CBFA2T2: variants seen among roughly 807,000 people sequenced by gnomAD.
CBFA2T2 encodes protein CBFA2T2.
CBFA2T2 carries 11 observed loss-of-function variants against 62.2 expected under a neutral mutation model. That is an observed-to-expected ratio of 0.18 (90% CI 0.11 to 0.29). CBFA2T2 has a LOEUF of 0.29. Among genes scored for constraint, CBFA2T2 ranks in the 10% least tolerant of loss-of-function variants. The pLI, the probability that CBFA2T2 is intolerant of heterozygous loss-of-function variation, is 1.00. For missense variants in CBFA2T2, 592 were observed against 774.1 expected, an observed-to-expected ratio of 0.76 and a Z score of 2.79; for synonymous variants, 295 against 287.5, an observed-to-expected ratio of 1.03 and a Z score of -0.27.
At chr20:33,616,077 A>G (rs2015694683) in intron 3 of CBFA2T2, among the ~76,000 whole-genome samples, 1 of 136,960 alleles carries the variant, frequency 7.3e-6, no homozygotes, top group Non-Finnish European at 1.6e-5. Context: ...CTCTGTAGAT[A>G]GAGATAGATA....
chr20:33,641,005 G>A (rs1292734680), intron 10 of CBFA2T2, among the ~76,000 whole-genome samples: 8 of 151,938 alleles, frequency 5.3e-5, no homozygotes, highest in African/African-American at 1.9e-4. Flanking sequence ...CAGGATACAG[G>A]AGTAAGAAAG....
chr20:33,589,821 T>C (rs949238908), intron 1 of CBFA2T2, among the ~76,000 whole-genome samples: 2 of 152,188 alleles, frequency 1.3e-5, no homozygotes, highest in South Asian at 2.1e-4. Context: ...TAATTTTAAA[T>C]ATTCTTGTAA....
At chr20:33,586,592 A>G (rs1416734856) in intron 1 of CBFA2T2, among the ~76,000 whole-genome samples, 1 of 152,180 alleles carries the variant, frequency 6.6e-6, no homozygotes, top group Non-Finnish European at 1.5e-5. Flanking sequence ...AGATTTTTGC[A>G]TTGGCTGTGA....
At chr20:33,600,313 T>C in intron 1 of CBFA2T2, 1 of 187,034 alleles carries the variant, frequency 5.3e-6, no homozygotes, top group South Asian at 5.8e-5. Context: ...TGCCTCAGCC[T>C]CCTGAGCAGC....
rs562131531 is a variant in CBFA2T2, at chr20:33,535,690, T to C, written c.34+45389T>C. 2.0e-3 allele frequency among the ~76,000 whole-genome samples: 295 copies of C among 151,162 alleles called. 2 individuals are homozygous for C. Among genetic ancestry groups the C allele is most frequent in the African/African-American group, 6.8e-3 (282 of 41,234 alleles). The stretch of plus-strand genomic sequence containing the variant: ...ATTTTATTTATTTATTTATTTTTAA[T>C]TGATCATTCTTGGGTGTTTCTCGCA... On this transcript the variant is annotated intron_variant, in intron 1 of 10. Transcript: ENST00000342704.
chr20:33,536,816 C>T (rs574042886), intron 1 of CBFA2T2, among the ~76,000 whole-genome samples: 25 of 148,496 alleles, frequency 1.7e-4, no homozygotes, highest in South Asian at 2.1e-4. Flanking sequence ...GGATGGCGGC[C>T]GGGAAGAGGC....
At chr20:33,570,984 C>T (rs2013540472) in intron 1 of CBFA2T2, among the ~76,000 whole-genome samples, 1 of 152,170 alleles carries the variant, frequency 6.6e-6, no homozygotes, top group South Asian at 2.1e-4. Context: ...TTCTCACTTA[C>T]CTTTCCCCAG....
chr20:33,510,696 T>G (rs371273720), intron 1 of CBFA2T2, among the ~76,000 whole-genome samples: 1 of 152,190 alleles, frequency 6.6e-6, no homozygotes, highest in Non-Finnish European at 1.5e-5. Context: ...TTCTAGATCC[T>G]TGAGGAATCA....
At chr20:33,603,954 C>A (rs2015240458) in intron 1 of CBFA2T2, among the ~76,000 whole-genome samples, 1 of 152,194 alleles carries the variant, frequency 6.6e-6, no homozygotes, top group Non-Finnish European at 1.5e-5. Flanking sequence ...CATACCCTTT[C>A]CCATCATCTG....
intron 8 of CBFA2T2, among the ~76,000 whole-genome samples, chr20:33,636,277 A>AT (rs2016628224): frequency 6.6e-6 from 1 of 151,988 alleles, no homozygotes; most frequent in African/African-American, 2.4e-5. Context: ...AAAAAAAAAA[A>AT]AATCTGTGTG....
At chr20:33,559,980 T>G (rs2013032823) in intron 1 of CBFA2T2, among the ~76,000 whole-genome samples, 1 of 152,192 alleles carries the variant, frequency 6.6e-6, no homozygotes, top group Non-Finnish European at 1.5e-5. Flanking sequence ...GAGCTCTGCT[T>G]CCTTTTATTG....
Position 33,527,663 on chromosome 20 carries a change from T to G in CBFA2T2, c.34+37362T>G, listed in dbSNP as rs552978571. Among the ~76,000 whole-genome samples, 8 of 151,986 alleles carry G rather than the reference T, an allele frequency of 5.3e-5. No individual in the cohort carries two copies. In the East Asian group the frequency reaches 1.2e-3, roughly 22 times the overall value. Reference sequence around the variant, plus strand: ...GCTGGGATTATGGGAGTGAGCCACCTCACCCAGCCCTAAGTCTTATTGTTT... The same window carrying G: ...GCTGGGATTATGGGAGTGAGCCACCGCACCCAGCCCTAAGTCTTATTGTTT... On this transcript the variant is annotated intron_variant, in intron 1 of 10. Coordinates refer to ENST00000342704, the MANE Select transcript of CBFA2T2 (RefSeq NM_001032999.3).
intron 1 of CBFA2T2, among the ~76,000 whole-genome samples, chr20:33,492,951 G>A (rs745697681): frequency 1.3e-5 from 2 of 151,516 alleles, no homozygotes; most frequent in African/African-American, 2.4e-5. Flanking sequence ...TTGTAGAGAC[G>A]GGGTTTAACC....
chr20:33,592,065 TG>T, intron 1 of CBFA2T2, among the ~76,000 whole-genome samples: 1 of 152,086 alleles, frequency 6.6e-6, no homozygotes, highest in East Asian at 1.9e-4. Context: ...TTGATGAACA[TG>T]AAAAAAACGA....
At chr20:33,549,307 G>C (rs1296605163) in intron 1 of CBFA2T2, among the ~76,000 whole-genome samples, 2 of 151,976 alleles carry the variant, frequency 1.3e-5, no homozygotes, top group African/African-American at 4.8e-5. Context: ...TTTTGAACTT[G>C]TGTAGATTGT....
chr20:33,583,033 T>C (rs761204930), intron 1 of CBFA2T2, among the ~76,000 whole-genome samples: 4 of 152,206 alleles, frequency 2.6e-5, no homozygotes, highest in Non-Finnish European at 5.9e-5. Context: ...TACATGTGCA[T>C]ACTCTTTCCA....
intron 1 of CBFA2T2, among the ~76,000 whole-genome samples, chr20:33,550,597 G>A (rs749533805): frequency 7.0e-6 from 1 of 143,350 alleles, no homozygotes; most frequent in Non-Finnish European, 1.5e-5. Flanking sequence ...AAAGTCTGAA[G>A]TACTAATGTG....
At chr20:33,641,999 G>A (rs527253572) in intron 10 of CBFA2T2, among the ~76,000 whole-genome samples, 1 of 152,178 alleles carries the variant, frequency 6.6e-6, no homozygotes, top group East Asian at 1.9e-4. Context: ...TATCACAGAG[G>A]ATGTGGTGAA....
chr20:33,642,118 G>T (rs6141415), intron 10 of CBFA2T2, among the ~76,000 whole-genome samples: 5,557 of 26,634 alleles, frequency 0.21, 106 homozygotes, highest in East Asian at 0.31. Flanking sequence ...TTTTTTTTTT[G>T]TGTGTGTGTG....
Sources: gnomAD v4.1 joint callset for allele counts (sites outside exome capture counted in the v4.1 genomes callset) on GRCh38, gnomAD v4.1.1 for gene constraint, MANE v1.5 for transcripts, NCBI Gene and HGNC (gene_info 2026-07-23, HGNC 2026-07-21) for gene names.